PCDH11X: variants seen among roughly 807,000 people sequenced by gnomAD.
PCDH11X encodes protocadherin-11 X-linked.
PCDH11X carries 18 observed loss-of-function variants against 53.3 expected under a neutral mutation model. The ratio of observed to expected loss-of-function variants is 0.34; its 90% CI spans 0.23 to 0.50. PCDH11X has a LOEUF of 0.50. PCDH11X is among the 20% of genes least tolerant of loss of function. The probability of loss-of-function intolerance (pLI) is 0.98; values close to 1 mark genes in which losing one functional copy is unlikely to be tolerated. For synonymous variants in PCDH11X, 279 were observed against 393.3 expected, an observed-to-expected ratio of 0.71 and a Z score of 3.44; for missense variants, 570 against 1,032.4, an observed-to-expected ratio of 0.55 and a Z score of 6.14.
intron 10 of PCDH11X, among the ~76,000 whole-genome samples, chrX:92,498,726 G>A (rs1004631719): frequency 9.5e-6 from 1 of 105,712 alleles, no homozygotes; most frequent in Non-Finnish European, 1.9e-5. Context: ...ACAATATGTA[G>A]CACTTAAAAC....
In PCDH11X at chrX:92,108,476, C is replaced by T. The variant is rs189682250; in HGVS notation, c.3034-92899C>T. On this transcript the variant is annotated intron_variant, in intron 6 of 10. Coordinates refer to ENST00000682573, the MANE Select transcript of PCDH11X (RefSeq NM_032968.5). ...ACACTGTCATTCTGAGGTTAGTTTT[C>T]GGCTGCATTGATTTTTGTCTTTTAT... Among the ~76,000 whole-genome samples, 175 of 110,591 alleles carry T rather than the reference C, an allele frequency of 1.6e-3. No homozygotes were observed. The East Asian group carries it at 0.024, about 15-fold the overall frequency.
At position 92,618,901 on chromosome X, in the gene PCDH11X, C is replaced by G. The variant is rs1438473990; in HGVS notation, c.4005C>G (p.Ser1335=). The part of the protein sequence containing the change: ...TFTPRQQARP[S]RGDSPIMEEH... ...CTCCACGCCAACAGGCCAGACCGTC[C>G]AGAGGTGATTCCCCCATTATGGAAG... The change falls in exon 11 of 11, where the codon TCC becomes TCG. Residue 1335 remains serine (S), a synonymous_variant. Transcript: ENST00000682573. 8.3e-7 allele frequency: 1 copy of G among 1,212,042 alleles called. No homozygotes were observed. Among genetic ancestry groups the G allele is most frequent in the South Asian group, 1.8e-5 (1 of 57,046 alleles).
chrX:92,394,864 A>G (rs1173503260), intron 9 of PCDH11X, among the ~76,000 whole-genome samples: 1 of 111,840 alleles, frequency 8.9e-6, no homozygotes, highest in African/African-American at 3.2e-5. Context: ...TTGTACAATA[A>G]CTTGCAACTC....
intron 10 of PCDH11X, among the ~76,000 whole-genome samples, chrX:92,546,667 A>C (rs756380898): frequency 9.0e-6 from 1 of 111,604 alleles, no homozygotes; most frequent in South Asian, 3.8e-4. Context: ...AAAATATCCA[A>C]GTTTACATTC....
chrX:92,000,654 C>G (rs944181617), intron 6 of PCDH11X, among the ~76,000 whole-genome samples: 2 of 110,340 alleles, frequency 1.8e-5, no homozygotes, highest in Non-Finnish European at 3.8e-5. Flanking sequence ...ATTCTGCTAC[C>G]GATTTGTAGT....
intron 6 of PCDH11X, among the ~76,000 whole-genome samples, chrX:92,178,969 T>C (rs761455840): frequency 1.8e-5 from 2 of 112,221 alleles, no homozygotes; most frequent in South Asian, 3.6e-4. Flanking sequence ...GTGAGAAGTT[T>C]TCAAATAACT....
chrX:92,341,092 G>T, intron 8 of PCDH11X, among the ~76,000 whole-genome samples: 1 of 111,402 alleles, frequency 9.0e-6, no homozygotes, highest in Non-Finnish European at 1.9e-5. Flanking sequence ...AGAACCGTAG[G>T]TCATGAATAC....
At chrX:91,866,948 G>C (rs1338659440) in intron 5 of PCDH11X, among the ~76,000 whole-genome samples, 1 of 111,485 alleles carries the variant, frequency 9.0e-6, no homozygotes, top group Non-Finnish European at 1.9e-5. Context: ...GTTTCATTGA[G>C]CAAAACTGGG....
At chrX:92,147,871 C>CTTT (rs1426207533) in intron 6 of PCDH11X, among the ~76,000 whole-genome samples, 4 of 42,887 alleles carry the variant, frequency 9.3e-5, no homozygotes, top group African/African-American at 4.0e-4. Flanking sequence ...TTCTCTCTTT[C>CTTT]CTTTCTTTCT....
chrX:92,083,819 G>C (rs771051809), intron 6 of PCDH11X, among the ~76,000 whole-genome samples: 234 of 111,374 alleles, frequency 2.1e-3, no homozygotes, highest in Non-Finnish European at 3.1e-3. Flanking sequence ...AGCCAGGCAC[G>C]GTGGCTCTCG....
rs759519218 is a variant in PCDH11X, at chrX:91,813,862, CTCTT to C, written c.-45+2569_-45+2572del. ...GAGAAGCAGTTCTTACGTGAAATCT[CTCTT>C]TAACAGTTCCTCTTGAAAATTAGCA... On this transcript the variant is annotated intron_variant, in intron 4 of 10. Transcript: ENST00000682573. 3.4e-4 allele frequency among the ~76,000 whole-genome samples: 37 copies of C among 108,634 alleles called. No homozygotes were observed. The East Asian group carries it at 4.1e-3, about 12-fold the overall frequency. The allele number at this position is 108,634 out of a possible 115,157, so 94.3% of individuals were successfully genotyped here. A position where few individuals can be genotyped will look rare whatever the true frequency, so the allele number is the denominator to read the frequency against.
chrX:92,287,858 C>A, intron 8 of PCDH11X: 1 of 471,173 alleles, frequency 2.1e-6, no homozygotes, highest in Non-Finnish European at 3.8e-6. Context: ...GGGCATATTT[C>A]TCCCTTGCTG....
intron 1 of PCDH11X, among the ~76,000 whole-genome samples, chrX:91,781,384 C>T (rs1199321445): frequency 9.0e-6 from 1 of 111,554 alleles, no homozygotes; most frequent in South Asian, 3.8e-4. Context: ...AGCGCTGCAA[C>T]CAGGAAACAA....
intron 6 of PCDH11X, among the ~76,000 whole-genome samples, chrX:92,024,947 G>T (rs1395458727): frequency 9.1e-6 from 1 of 110,244 alleles, no homozygotes; most frequent in East Asian, 2.8e-4. Context: ...AAATGGTGCT[G>T]GGAAAACTGG....
intron 6 of PCDH11X, among the ~76,000 whole-genome samples, chrX:91,904,541 T>C (rs1231316961): frequency 9.0e-6 from 1 of 111,248 alleles, no homozygotes; most frequent in East Asian, 2.8e-4. Flanking sequence ...TTGTAGAACG[T>C]TTGAAAAATA....
intron 10 of PCDH11X, among the ~76,000 whole-genome samples, chrX:92,531,556 CAT>C (rs1249350373): frequency 9.2e-6 from 1 of 108,780 alleles, no homozygotes. Flanking sequence ...GAAAAATTGA[CAT>C]ATGAAGTTTT....
chrX:91,822,523 C>G (rs1292643845), intron 4 of PCDH11X, among the ~76,000 whole-genome samples: 20 of 109,523 alleles, frequency 1.8e-4, no homozygotes, highest in African/African-American at 6.3e-4. Flanking sequence ...GGTGATATCC[C>G]CTTTATCATT....
At chrX:92,392,298 G>A (rs920894454) in intron 9 of PCDH11X, among the ~76,000 whole-genome samples, 3 of 111,331 alleles carry the variant, frequency 2.7e-5, no homozygotes, top group Non-Finnish European at 3.8e-5. Context: ...ATAAATATAT[G>A]TTTTTATTAA....
At chrX:92,174,966 A>G (rs767922164) in intron 6 of PCDH11X, among the ~76,000 whole-genome samples, 1 of 111,667 alleles carries the variant, frequency 9.0e-6, no homozygotes, top group Non-Finnish European at 1.9e-5. Flanking sequence ...GCATAAAAGC[A>G]TATATAATTT....
Sources: gnomAD v4.1 joint callset for allele counts (sites outside exome capture counted in the v4.1 genomes callset) on GRCh38, gnomAD v4.1.1 for gene constraint, MANE v1.5 for transcripts, NCBI Gene and HGNC (gene_info 2026-07-23, HGNC 2026-07-21) for gene names.